COL9A1: variants seen among roughly 807,000 people sequenced by gnomAD.
COL9A1 encodes the protein collagen alpha-1(IX) chain.
COL9A1 carries 104 observed loss-of-function variants against 142.6 expected under a neutral mutation model. That is an observed-to-expected ratio of 0.73 (90% CI 0.62 to 0.86). The LOEUF (loss-of-function observed/expected upper bound fraction) is 0.86. Ranked by LOEUF, COL9A1 falls within the 40% of genes least tolerant of loss-of-function variation. COL9A1 has a pLI of 0.00. For synonymous variants in COL9A1, 466 were observed against 396.0 expected (o/e 1.18, Z -2.10); for missense variants, 1,210 against 1,176.6 (o/e 1.03, Z -0.42).
At chr6:70,283,046 A>G (rs1221609555) in intron 6 of COL9A1, 128 bp from the exon 7 acceptor site, 23 of 1,591,556 alleles carry the variant, frequency 1.4e-5, no homozygotes, top group South Asian at 2.2e-5. Flanking sequence ...CGCGCAGTCC[A>G]GGCCATGCCC....
rs776179061 is a variant in COL9A1 at position 70,294,199 on chromosome 6, T to C, written c.664A>G (p.Lys222Glu). The change falls in exon 5 of 38, where the codon AAA becomes GAA. Residue 222 changes from lysine to glutamate, a missense_variant. By Grantham distance (56) the Lys-to-Glu change is moderately conservative. Transcript: ENST00000357250. ...IDIDGFAVLG[K>E]LADNPQVSVP... The stretch of plus-strand genomic sequence containing the variant: ...GAAACTTGAGGATTATCTGCAAGTT[T>C]TCCCAGCACAGCAAAGCCATCAATG... The C allele has an allele frequency of 6.2e-7, 1 of 1,614,076 alleles. No homozygotes were observed. Among genetic ancestry groups the C allele is most frequent in the Non-Finnish European group, 8.5e-7 (1 of 1,179,926 alleles).
intron 7 of COL9A1, 42 bp downstream of exon 7, chr6:70,282,856 T>A (rs763026294): frequency 3.1e-6 from 5 of 1,613,898 alleles, no homozygotes; most frequent in South Asian, 2.2e-5. Flanking sequence ...CCTGTCCTCG[T>A]GTGCGCTTGA....
chr6:70,267,618 G>A (rs949485144), intron 17 of COL9A1, among the ~76,000 whole-genome samples: 3 of 152,100 alleles, frequency 2.0e-5, no homozygotes, highest in African/African-American at 4.8e-5. Context: ...CACCGCGCCC[G>A]GCCTACTGTG....
chr6:70,255,532 G>A (rs756395797), intron 21 of COL9A1, 142 bp from the exon 22 acceptor site: 1 of 733,470 alleles, frequency 1.4e-6, no homozygotes, highest in Non-Finnish European at 2.3e-6. Context: ...CCTAGATGAA[G>A]AAGTCTTTTT....
chr6:70,255,037 A>T (rs746798384), intron 23 of COL9A1, 21 bp from the exon 24 acceptor site: 14 of 1,613,924 alleles, frequency 8.7e-6, no homozygotes, highest in Non-Finnish European at 1.2e-5. Context: ...ACAAAGAAAC[A>T]TACTGTCTCT....
chr6:70,283,195 C>T (rs1773284444), intron 6 of COL9A1: 3 of 1,473,704 alleles, frequency 2.0e-6, no homozygotes, highest in African/African-American at 2.8e-5. Flanking sequence ...AGCGTCCAGG[C>T]CCGGGAGGCG....
In COL9A1 at chr6:70,227,936, A is replaced by T. The variant is rs74615896; in HGVS notation, c.2504-1927T>A. ...AAGGATGTAGAAAAAATACATATTC[A>T]TGTATCCTTATATAGAATTGCTTGT... On this transcript the variant is annotated intron_variant, in intron 36 of 37. Transcript: ENST00000357250. Among the ~76,000 whole-genome samples, 1,175 of 152,222 alleles carry T rather than the reference A, an allele frequency of 7.7e-3. 18 individuals are homozygous for T. Among genetic ancestry groups the T allele is most frequent in the Middle Eastern group, 0.058 (17 of 294 alleles).
intron 33 of COL9A1, 23 bp from the exon 34 acceptor site, chr6:70,234,963 C>A (rs374751103): frequency 2.7e-5 from 43 of 1,613,970 alleles, no homozygotes; most frequent in Non-Finnish European, 3.5e-5. Context: ...TGCACACTAT[C>A]AAACCAGGGC....
Position 70,255,188 on chromosome 6 carries a change from T to C in COL9A1, c.1573A>G (p.Arg525Gly). The C allele has an allele frequency of 6.2e-7, 1 of 1,614,180 alleles. No homozygotes were observed. Among genetic ancestry groups the C allele is most frequent in the Non-Finnish European group, 8.5e-7 (1 of 1,180,030 alleles). The change falls in exon 23 of 38, where the codon AGA becomes GGA. Residue 525 changes from arginine to glycine, a missense_variant. Coordinates refer to ENST00000357250, the MANE Select transcript of COL9A1 (RefSeq NM_001851.6). ...GGCCCAGGGAGACCAGGAATTCCTCTAGCACCTTCAGCCCCCTGCAGGGAG... is the reference window on the plus strand; with the variant it reads ...GGCCCAGGGAGACCAGGAATTCCTCCAGCACCTTCAGCCCCCTGCAGGGAG... ...PKGDRGAEGA[R>G]GIPGLPGPKG...
At chr6:70,300,594 G>A (rs1401034448) in intron 2 of COL9A1, among the ~76,000 whole-genome samples, 1 of 152,070 alleles carries the variant, frequency 6.6e-6, no homozygotes, top group African/African-American at 2.4e-5. Context: ...TAAAGTGTTT[G>A]GCTTTACCTC....
At chr6:70,287,211 A>T (rs903513970) in intron 5 of COL9A1, among the ~76,000 whole-genome samples, 1 of 152,196 alleles carries the variant, frequency 6.6e-6, no homozygotes, top group Non-Finnish European at 1.5e-5. Context: ...AACAAGTCCC[A>T]AGGGTAGGAA....
chr6:70,281,189 A>C (rs1583325332), intron 8 of COL9A1, 150 bp from the exon 9 acceptor site: 1 of 797,476 alleles, frequency 1.3e-6, no homozygotes, highest in Non-Finnish European at 2.0e-6. Context: ...CAACAGAGAC[A>C]CCTCTCCCTC....
At chr6:70,215,396 A>G (rs1435155784), downstream of COL9A1, 5 of 152,178 alleles carry the variant, frequency 3.3e-5, no homozygotes, top group East Asian at 9.6e-4. Flanking sequence ...AAATATATAT[A>G]AAAAATTATA....
chr6:70,270,995 C>T (rs903312668), intron 14 of COL9A1, among the ~76,000 whole-genome samples: 5 of 152,210 alleles, frequency 3.3e-5, no homozygotes, highest in Non-Finnish European at 7.3e-5. Flanking sequence ...CATAAAGAGT[C>T]GGAAGCACCT....
Position 70,216,667 on chromosome 6 carries a change from T to TTTTG in COL9A1, c.*229_*230insCAAA, listed in dbSNP as rs1768522548. On this transcript the variant is annotated 3_prime_UTR_variant, in exon 38 of 38. Transcript: ENST00000357250. ...GTGTTTGGTTTTCTTTTTTTTTTTT[T>TTTTG]AACTGATGACTCTGCTGTCTTCCCT... 9.0e-6 allele frequency: 5 copies of TTTTG among 558,372 alleles called. No individual in the cohort carries two copies. Among genetic ancestry groups the TTTTG allele is most frequent in the South Asian group, 2.1e-5 (1 of 46,828 alleles). 34.6% of individuals were successfully genotyped at this position (558,372 alleles called of 1,614,324 possible).
intron 28 of COL9A1, among the ~76,000 whole-genome samples, chr6:70,248,429 A>C (rs1442050269): frequency 1.3e-5 from 2 of 152,150 alleles, no homozygotes; most frequent in African/African-American, 2.4e-5. Flanking sequence ...TTCATCTCCA[A>C]CCCACATGCC....
At position 70,280,359 on chromosome 6, in the gene COL9A1, G is replaced by A. The variant is rs1480424187; in HGVS notation, c.975+453C>T. ...GAGTGCTCTGGCCCTTTGCCTACCT[G>A]CAGGATCTTTTTCTAAATTAATGCA... On this transcript the variant is annotated intron_variant, in intron 10 of 37. Transcript: ENST00000357250. 13 of 1,178,950 alleles carry A rather than the reference G, an allele frequency of 1.1e-5. No homozygotes were observed. The East Asian group carries it at 4.1e-4, about 38-fold the overall frequency. 73.0% of individuals were successfully genotyped at this position (1,178,950 alleles called of 1,614,324 possible). A position where few individuals can be genotyped will look rare whatever the true frequency, so the allele number is the denominator to read the frequency against.
chr6:70,273,557 A>G (rs1772542446), intron 12 of COL9A1, among the ~76,000 whole-genome samples: 1 of 152,174 alleles, frequency 6.6e-6, no homozygotes, highest in South Asian at 2.1e-4. Context: ...TCATATATAC[A>G]AATAACACAC....
At chr6:70,285,435 T>C (rs958039794) in intron 5 of COL9A1, among the ~76,000 whole-genome samples, 1 of 152,268 alleles carries the variant, frequency 6.6e-6, no homozygotes, top group African/African-American at 2.4e-5. Context: ...ACTTGCGTTA[T>C]ACATGTAAAA....
Sources: allele counts gnomAD v4.1 joint callset (sites outside exome capture counted in the v4.1 genomes callset), GRCh38; gene constraint gnomAD v4.1.1; transcripts MANE v1.5; gene names NCBI Gene and HGNC (gene_info 2026-07-23, HGNC 2026-07-21).